The following NIBAN2 variants were observed in gnomAD, a reference collection of about 807,000 sequenced individuals.
NIBAN2 encodes the protein protein Niban 2.
In NIBAN2, 36 loss-of-function variants were observed where a neutral mutation model predicts 81.8. The observed-to-expected ratio is 0.44, with a 90% confidence interval of 0.34 to 0.58. NIBAN2 has a LOEUF of 0.58. NIBAN2 is among the 20% of genes least tolerant of loss of function. NIBAN2 has a pLI of 0.02. For missense variants in NIBAN2, 897 were observed against 1,014.1 expected (o/e 0.88, Z 1.57); for synonymous variants, 445 against 441.6 (o/e 1.01, Z -0.10).
In NIBAN2 at chr9:127,508,434, C is replaced by A; in HGVS notation, c.1422G>T (p.Glu474Asp). Residue 474 changes from glutamate (E) to aspartate (D), a missense_variant, in exon 11 of 14, where the codon GAG becomes GAT. Transcript: ENST00000373312. This position sits in a 1 kb window ranked among gnomAD's most constrained non-coding sequence, Gnocchi z 6.4. ...ELCKSIQRVLERVLKKYDYDS... is the reference protein window; with the variant it reads ...ELCKSIQRVLDRVLKKYDYDS... ...TGGGGCCGCTCACCTTCAGCACCCG[C>A]TCCAGGACCCGCTGGATGGACTTGC... is the stretch of plus-strand genomic sequence containing the variant. 6.2e-7 allele frequency: 1 copy of A among 1,611,830 alleles called. No individual in the cohort carries two copies. Among genetic ancestry groups the A allele is most frequent in the Non-Finnish European group, 8.5e-7 (1 of 1,179,860 alleles).
Position 127,517,011 on chromosome 9 carries a change from G to A in NIBAN2, c.819C>T (p.Asp273=), listed in dbSNP as rs780299163. ...ERQRQWIQIS[D]AVYHMVYEQA... ...GCTCGTACACCATGTGGTACACGGC[G>A]TCCGAGATCTGTGGGCAGAGCAGCT... The change falls in exon 8 of 14, where the codon GAC becomes GAT. Residue 273 remains aspartate (D), a synonymous_variant. Transcript: ENST00000373312. This position sits in a 1 kb window ranked among gnomAD's most constrained non-coding sequence, Gnocchi z 4.0. 2.6e-5 allele frequency: 42 copies of A among 1,613,054 alleles called. No individual in the cohort carries two copies. The highest frequency in any genetic ancestry group is 6.7e-5 in the East Asian group (3 of 44,862).
chr9:127,508,510 T>A lies in NIBAN2; in HGVS notation c.1346A>T (p.Glu449Val). 1 of 1,613,914 alleles carries A rather than the reference T, an allele frequency of 6.2e-7. No homozygotes were observed. The highest frequency in any genetic ancestry group is 8.5e-7 in the Non-Finnish European group (1 of 1,179,972). Reference protein sequence around the residue: ...EQMDNAVYTFETLLHQELGKG... With the variant: ...EQMDNAVYTFVTLLHQELGKG... Reference sequence around the variant, plus strand: ...CCCCAGCTCCTGGTGCAGGAGGGTCTCGAACGTATACACGGCATTGTCCAT... The same window carrying A: ...CCCCAGCTCCTGGTGCAGGAGGGTCACGAACGTATACACGGCATTGTCCAT... The change falls in exon 11 of 14, where the codon GAG becomes GTG. Residue 449 changes from glutamate (E) to valine (V), a missense_variant. Physicochemically the swap from Glu to Val is moderately radical, Grantham distance 121. This residue lies in a region of NIBAN2 where 619 missense variants were observed against 691.0 expected (regional missense o/e 0.90). Coordinates refer to ENST00000373312, the MANE Select transcript of NIBAN2 (RefSeq NM_022833.4). This position sits in a 1 kb window ranked among gnomAD's most constrained non-coding sequence, Gnocchi z 6.4.
chr9:127,516,485 G>T (rs1426820092), intron 8 of NIBAN2, among the ~76,000 whole-genome samples: 5 of 152,210 alleles, frequency 3.3e-5, no homozygotes, highest in Admixed American at 2.6e-4. Flanking sequence ...GGAGGCGGAG[G>T]TTGTGGTGAG....
intron 1 of NIBAN2, among the ~76,000 whole-genome samples, chr9:127,561,904 G>A (rs769077186): frequency 2.0e-5 from 3 of 152,218 alleles, no homozygotes; most frequent in Non-Finnish European, 4.4e-5. Flanking sequence ...GCCCAGCAGC[G>A]TCTACAGAAT....
intron 5 of NIBAN2, among the ~76,000 whole-genome samples, chr9:127,522,658 A>C (rs1836965995): frequency 6.7e-6 from 1 of 148,910 alleles, no homozygotes; most frequent in African/African-American, 2.5e-5. Context: ...TACCCCTACC[A>C]CCTGTGGGTC....
intron 1 of NIBAN2, among the ~76,000 whole-genome samples, chr9:127,562,120 G>C (rs10987686): frequency 1.3e-5 from 2 of 152,068 alleles, no homozygotes; most frequent in South Asian, 2.1e-4. Context: ...GAGTAATGAC[G>C]GGTGGGATAG....
chr9:127,506,798 G>A lies in NIBAN2; in HGVS notation c.*47C>T, dbSNP rs370158407. On this transcript the variant is annotated 3_prime_UTR_variant, in exon 14 of 14. Coordinates refer to ENST00000373312, the MANE Select transcript of NIBAN2 (RefSeq NM_022833.4). ...CCCAGAGCTGAGCCTGCCTGGGTCCGGAAGGGAACGGCCTGTGCCATGTGC... is the reference window on the plus strand; with the variant it reads ...CCCAGAGCTGAGCCTGCCTGGGTCCAGAAGGGAACGGCCTGTGCCATGTGC... 9.2e-5 allele frequency: 139 copies of A among 1,513,508 alleles called. No individual in the cohort carries two copies. In the Middle Eastern group the frequency reaches 1.1e-3, roughly 12 times the overall value. 93.8% of individuals were successfully genotyped at this position (1,513,508 alleles called of 1,614,324 possible). A position where few individuals can be genotyped will look rare whatever the true frequency, so the allele number is the denominator to read the frequency against.
intron 1 of NIBAN2, 81 bp from the exon 2 acceptor site, chr9:127,531,859 T>C: frequency 6.4e-7 from 1 of 1,567,194 alleles, no homozygotes; most frequent in Non-Finnish European, 8.7e-7. Context: ...CAGGAGTGGC[T>C]GCAAAGCCCC....
At chr9:127,541,257 G>A (rs1298073412) in intron 1 of NIBAN2, among the ~76,000 whole-genome samples, 2 of 152,206 alleles carry the variant, frequency 1.3e-5, no homozygotes, top group African/African-American at 4.8e-5. Context: ...GCCTCGCTCA[G>A]GGCCTTTCTA....
intron 1 of NIBAN2, among the ~76,000 whole-genome samples, chr9:127,568,510 C>T (rs566934420): frequency 5.3e-5 from 8 of 150,948 alleles, no homozygotes; most frequent in African/African-American, 1.7e-4. Context: ...AGGCTGCGAC[C>T]CCTGCCCCAG....
chr9:127,517,964 G>C lies in NIBAN2; in HGVS notation c.590-23C>G. 6.5e-7 allele frequency: 1 copy of C among 1,530,994 alleles called. No homozygotes were observed. The highest frequency in any genetic ancestry group is 8.9e-7 in the Non-Finnish European group (1 of 1,125,734). 94.8% of individuals were successfully genotyped at this position (1,530,994 alleles called of 1,614,324 possible). Reference sequence around the variant, plus strand: ...TTCCTGCCCAGGAGACGGAGGGAGAGAGGAGGTCAGCAGATGGCCCAGTGG... The same window carrying C: ...TTCCTGCCCAGGAGACGGAGGGAGACAGGAGGTCAGCAGATGGCCCAGTGG... On this transcript the variant is annotated intron_variant, in intron 5 of 13. Transcript: ENST00000373312. This position sits in a 1 kb window ranked among gnomAD's most constrained non-coding sequence, Gnocchi z 4.0.
intron 8 of NIBAN2, among the ~76,000 whole-genome samples, chr9:127,513,019 T>C (rs568099823): frequency 6.6e-5 from 10 of 152,210 alleles, no homozygotes; most frequent in Admixed American, 5.2e-4. Context: ...ATATACACGA[T>C]GGGGTACTAT....
chr9:127,574,208 A>G (rs73607753), intron 1 of NIBAN2, among the ~76,000 whole-genome samples: 4,208 of 152,230 alleles, frequency 0.028, 79 homozygotes, highest in Middle Eastern at 0.048. Context: ...AAGGGTGGCA[A>G]TGGTCTACAT....
At chr9:127,519,174 C>CAAAA (rs398046914) in intron 5 of NIBAN2, among the ~76,000 whole-genome samples, 8 of 39,284 alleles carry the variant, frequency 2.0e-4, no homozygotes, top group Admixed American at 6.4e-4. Context: ...GACTCTGTCT[C>CAAAA]AAAAAAAAAA....
intron 1 of NIBAN2, among the ~76,000 whole-genome samples, chr9:127,550,314 C>T (rs1269461555): frequency 6.6e-6 from 1 of 152,236 alleles, no homozygotes; most frequent in African/African-American, 2.4e-5. Flanking sequence ...AGGAGCCCAC[C>T]ATTAAGCCTT....
At chr9:127,511,033 C>A (rs1423053500) in intron 8 of NIBAN2, among the ~76,000 whole-genome samples, 1 of 151,920 alleles carries the variant, frequency 6.6e-6, no homozygotes, top group Non-Finnish European at 1.5e-5. Context: ...ACTCTCTCTT[C>A]CCATCATATT....
intron 5 of NIBAN2, among the ~76,000 whole-genome samples, chr9:127,523,110 G>A (rs10987672): frequency 7.0e-6 from 1 of 143,424 alleles, no homozygotes; most frequent in East Asian, 2.2e-4. Context: ...ACAGATGAGA[G>A]CAATGAGGCC....
In NIBAN2 at chr9:127,539,046, T is replaced by C. The variant is rs994865621; in HGVS notation, c.56-7268A>G. On this transcript the variant is annotated intron_variant, in intron 1 of 13. Transcript: ENST00000373312. ...ATACAAAGACTGTGTATTAGGGACA[T>C]CTCATAGTAAGAAAAATTAAGGATC... Among the ~76,000 whole-genome samples, 8 of 151,988 alleles carry C rather than the reference T, an allele frequency of 5.3e-5. 1 individual carries two copies. Among genetic ancestry groups the C allele is most frequent in the African/African-American group, 1.9e-4 (8 of 41,438 alleles).
chr9:127,550,550 T>G (rs1837557493), intron 1 of NIBAN2, among the ~76,000 whole-genome samples: 1 of 152,202 alleles, frequency 6.6e-6, no homozygotes, highest in Non-Finnish European at 1.5e-5. Flanking sequence ...ACAGAAATAT[T>G]TATCCCCTGA....
Sources: allele counts gnomAD v4.1 joint callset (sites outside exome capture counted in the v4.1 genomes callset), GRCh38; gene constraint gnomAD v4.1.1; regional missense constraint gnomAD v4.1.1; non-coding constraint Gnocchi (gnomAD v3.1); transcripts MANE v1.5; gene names NCBI Gene and HGNC (gene_info 2026-07-23, HGNC 2026-07-21).